The following CAMSAP2 variants were observed in gnomAD, a reference collection of about 807,000 sequenced individuals.
CAMSAP2 encodes calmodulin regulated spectrin associated protein family member 2.
Under a neutral mutation model 146.1 loss-of-function variants are expected in CAMSAP2, and 26 were observed. The observed-to-expected ratio is 0.18, with a 90% confidence interval of 0.13 to 0.25. The LOEUF is 0.25. Ranked by LOEUF, CAMSAP2 falls within the 10% of genes least tolerant of loss-of-function variation. The pLI, the probability that CAMSAP2 is intolerant of heterozygous loss-of-function variation, is 1.00. For synonymous variants in CAMSAP2, 499 were observed against 596.6 expected (o/e 0.84, Z 2.38); for missense variants, 1,381 against 1,759.3 (o/e 0.78, Z 3.85).
chr1:200,808,136 T>C (rs1319426908), intron 3 of CAMSAP2, among the ~76,000 whole-genome samples: 7 of 152,190 alleles, frequency 4.6e-5, no homozygotes, highest in Admixed American at 3.9e-4. Flanking sequence ...ACAGTGGGTG[T>C]TCAGTAAATA....
chr1:200,750,778 C>T (rs1176301007), intron 1 of CAMSAP2, among the ~76,000 whole-genome samples: 1 of 151,902 alleles, frequency 6.6e-6, no homozygotes, highest in Non-Finnish European at 1.5e-5. Flanking sequence ...GTGACTGCCA[C>T]CACACCCAGC....
intron 4 of CAMSAP2, among the ~76,000 whole-genome samples, chr1:200,821,537 C>T (rs1320037107): frequency 6.6e-6 from 1 of 152,024 alleles, no homozygotes; most frequent in African/African-American, 2.4e-5. Context: ...ATGTTTTTTA[C>T]ATTAATAGGG....
At chr1:200,789,224 G>T (rs1177649994) in intron 2 of CAMSAP2, among the ~76,000 whole-genome samples, 1 of 151,988 alleles carries the variant, frequency 6.6e-6, no homozygotes, top group Admixed American at 6.6e-5. Flanking sequence ...CATGGATTGT[G>T]CATTTGGTTT....
chr1:200,827,698 G>A (rs557195323), intron 4 of CAMSAP2, among the ~76,000 whole-genome samples: 2 of 93,372 alleles, frequency 2.1e-5, no homozygotes, highest in South Asian at 4.0e-4. Flanking sequence ...CTGTTTATAC[G>A]GAAAAACTTT....
Position 200,832,485 on chromosome 1 carries a change from C to CT in CAMSAP2, c.787+152dup, listed in dbSNP as rs983644038. The CT allele has an allele frequency of 5.4e-5, 46 of 858,948 alleles. No individual in the cohort carries two copies. Among genetic ancestry groups the CT allele is most frequent in the East Asian group, 5.1e-4 (17 of 33,176 alleles). 53.2% of individuals were successfully genotyped at this position (858,948 alleles called of 1,614,324 possible). A position where few individuals can be genotyped will look rare whatever the true frequency, so the allele number is the denominator to read the frequency against. The stretch of plus-strand genomic sequence containing the variant: ...AATATTATTTAATAAGTACTGAAGA[C>CT]TTTTTTTTAAAAATAAAGAACATTT... On this transcript the variant is annotated intron_variant, in intron 5 of 16. Coordinates refer to ENST00000358823, the MANE Select transcript of CAMSAP2 (RefSeq NM_203459.4). This position sits in a 1 kb window ranked among gnomAD's most constrained non-coding sequence, Gnocchi z 4.2.
At chr1:200,782,505 C>T (rs1346663502) in intron 2 of CAMSAP2, among the ~76,000 whole-genome samples, 2 of 152,072 alleles carry the variant, frequency 1.3e-5, no homozygotes, top group African/African-American at 4.8e-5. Context: ...TCAGTTCTGT[C>T]GTTGTAGATT....
rs970615888 is a variant in CAMSAP2 at position 200,853,477 on chromosome 1, C to T, written c.3805C>T (p.Pro1269Ser). Residue 1269 changes from proline to serine, a missense_variant, in exon 13 of 17, where the codon CCA (proline) becomes TCA (serine). Pro to Ser is a moderately conservative substitution (Grantham distance 74). Transcript: ENST00000358823. This position sits in a 1 kb window ranked among gnomAD's most constrained non-coding sequence, Gnocchi z 5.1. ...AGATCATATTGAATCCCCCAAAACA[C>T]CAATAAAGGGTCCTCCAGGTAACAT... is the stretch of plus-strand genomic sequence containing the variant. ...HRDHIESPKT[P>S]IKGPPVSSLS... is the part of the protein sequence containing the mutation. The T allele has an allele frequency of 6.2e-6, 10 of 1,612,408 alleles. No homozygotes were observed. The highest frequency in any genetic ancestry group is 7.6e-6 in the Non-Finnish European group (9 of 1,179,152).
Position 200,832,335 on chromosome 1 carries a change from T to G in CAMSAP2, c.781T>G (p.Leu261Val). 1 of 1,610,322 alleles carries G rather than the reference T, an allele frequency of 6.2e-7. No homozygotes were observed. The highest frequency in any genetic ancestry group is 1.7e-5 in the Admixed American group (1 of 59,272). The change falls in exon 5 of 17, where the codon TTA becomes GTA. Residue 261 changes from leucine to valine, a missense_variant. Physicochemically the swap from Leu to Val is conservative, Grantham distance 32. This residue lies in a region of CAMSAP2 where 284 missense variants were observed against 406.9 expected (regional missense o/e 0.70). Coordinates refer to ENST00000358823, the MANE Select transcript of CAMSAP2 (RefSeq NM_203459.4). This position sits in a 1 kb window ranked among gnomAD's most constrained non-coding sequence, Gnocchi z 4.2. ...TTTTTACTGTCCTGATGTTGTCAGA[T>G]TAGAGGGTAAGTGTTCCATTGTAAT... is the stretch of plus-strand genomic sequence containing the variant. ...IHFYCPDVVR[L>V]EDICLKETMS... is the part of the protein sequence containing the mutation.
intron 1 of CAMSAP2, among the ~76,000 whole-genome samples, chr1:200,745,187 G>T (rs1664287130): frequency 6.6e-6 from 1 of 152,068 alleles, no homozygotes. Flanking sequence ...GCTGTCCTGT[G>T]CATTCTAGGA....
chr1:200,819,622 G>T (rs1666695224), intron 4 of CAMSAP2, among the ~76,000 whole-genome samples: 1 of 151,826 alleles, frequency 6.6e-6, no homozygotes, highest in African/African-American at 2.4e-5. Flanking sequence ...TGGGCCTTGG[G>T]TTTGTTTTTT....
At chr1:200,768,269 C>T (rs902287750) in intron 2 of CAMSAP2, among the ~76,000 whole-genome samples, 3 of 152,038 alleles carry the variant, frequency 2.0e-5, no homozygotes, top group Admixed American at 2.0e-4. Flanking sequence ...CTGTGTTGTA[C>T]GGTATTGTAT....
chr1:200,824,056 G>A (rs2102197920), intron 4 of CAMSAP2, among the ~76,000 whole-genome samples: 1 of 152,168 alleles, frequency 6.6e-6, no homozygotes, highest in Admixed American at 6.5e-5. Context: ...CAATCCTTTT[G>A]TTTTTTGAGC....
chr1:200,795,233 A>T (rs1052947299), intron 2 of CAMSAP2, among the ~76,000 whole-genome samples: 2 of 152,226 alleles, frequency 1.3e-5, no homozygotes, highest in African/African-American at 4.8e-5. Context: ...CTGGGAAGTC[A>T]CTGAAGGCTT....
At chr1:200,769,069 CTAAT>C (rs923887890) in intron 2 of CAMSAP2, among the ~76,000 whole-genome samples, 3 of 152,134 alleles carry the variant, frequency 2.0e-5, no homozygotes, top group African/African-American at 7.2e-5. Context: ...TATGTCAACT[CTAAT>C]TAATTAATTA....
At chr1:200,816,594 C>CAAAAA (rs1316338918) in intron 4 of CAMSAP2, among the ~76,000 whole-genome samples, 5 of 92,824 alleles carry the variant, frequency 5.4e-5, no homozygotes, top group African/African-American at 1.1e-4. Context: ...AACTTCATCT[C>CAAAAA]AAAAAAAAAA....
At position 200,821,488 on chromosome 1, in the gene CAMSAP2, G is replaced by T. The variant is rs138037886; in HGVS notation, c.645+5844G>T. On this transcript the variant is annotated intron_variant, in intron 4 of 16. Transcript: ENST00000358823. ...TTTGGCCAATGTGTAGTCTTCTGTG[G>T]TCAATGCTAATTCATTTCTTCTTCT... Among the ~76,000 whole-genome samples, 191 of 152,162 alleles carry T rather than the reference G, an allele frequency of 1.3e-3. 1 individual carries two copies. Among genetic ancestry groups the T allele is most frequent in the African/African-American group, 4.4e-3 (181 of 41,524 alleles).
chr1:200,842,219 A>G, intron 7 of CAMSAP2, 132 bp downstream of exon 7: 2 of 647,132 alleles, frequency 3.1e-6, no homozygotes, highest in Non-Finnish European at 5.4e-6. Flanking sequence ...TACACTTGAT[A>G]GATTCTCCTA....
chr1:200,829,038 C>T (rs1479845663), intron 4 of CAMSAP2, among the ~76,000 whole-genome samples: 3 of 151,918 alleles, frequency 2.0e-5, no homozygotes, highest in Admixed American at 2.0e-4. Context: ...GCCTGTAATC[C>T]CAGCTACTCG....
chr1:200,856,125 G>A lies in CAMSAP2; in HGVS notation c.4012G>A (p.Gly1338Arg). The A allele has an allele frequency of 1.3e-6, 2 of 1,576,478 alleles. No individual in the cohort carries two copies. Among genetic ancestry groups the A allele is most frequent in the Non-Finnish European group, 1.7e-6 (2 of 1,147,970 alleles). Residue 1338 changes from glycine to arginine, a missense_variant and splice_region_variant, in exon 15 of 17, where the codon GGA becomes AGA. Physicochemically the swap from Gly to Arg is moderately radical, Grantham distance 125. Transcript: ENST00000358823. ...SSVASGTEYT[G>R]PKLYKEPSAK... is the part of the protein sequence containing the mutation. ...AGTGGCTTCTGGAACAGAATATACA[G>A]GTTAGTGTCTATACATTTTTAGAGA...
Sources: gnomAD v4.1 joint callset for allele counts (sites outside exome capture counted in the v4.1 genomes callset) on GRCh38, gnomAD v4.1.1 for gene constraint, gnomAD v4.1.1 regional missense constraint, Gnocchi (gnomAD v3.1) non-coding constraint, MANE v1.5 for transcripts, NCBI Gene and HGNC (gene_info 2026-07-23, HGNC 2026-07-21) for gene names.